Variants in SMARCC2 observed in about 807,000 individuals in gnomAD.
SMARCC2 encodes SWI/SNF related BAF chromatin remodeling complex subunit C2.
In SMARCC2, 15 loss-of-function variants were observed where a neutral mutation model predicts 151.3. The ratio of observed to expected loss-of-function variants is 0.10; its 90% CI spans 0.07 to 0.15. The LOEUF (loss-of-function observed/expected upper bound fraction) is 0.15. Among genes scored for constraint, SMARCC2 ranks in the 10% least tolerant of loss-of-function variants. SMARCC2 has a pLI of 1.00. For synonymous variants in SMARCC2, 590 were observed against 609.5 expected, an observed-to-expected ratio of 0.97 and a Z score of 0.47; for missense variants, 1,031 against 1,599.7, an observed-to-expected ratio of 0.64 and a Z score of 6.06.
chr12:56,184,601 G>C, intron 5 of SMARCC2: 4 of 553,898 alleles, frequency 7.2e-6, no homozygotes, highest in Non-Finnish European at 9.7e-6. Flanking sequence ...CAGTAGAAGT[G>C]GATACTATTT....
chr12:56,178,525 C>A lies in SMARCC2; in HGVS notation c.1189G>T (p.Glu397Ter). The change falls in exon 14 of 29, where the codon GAG (glutamate) becomes TAG (stop). Residue 397 changes from glutamate to a stop codon, truncating the protein, a stop_gained. Coordinates refer to ENST00000550164, the MANE Select transcript of SMARCC2 (RefSeq NM_001330288.2). LOFTEE classifies it high-confidence loss of function. Reference protein sequence around the residue: ...SMETTGKDEDENSTGNKGEQT... With the variant: ...SMETTGKDED ...TCTCCCTTGTTCCCCGTACTGTTCTCATCCTCATCCTACGAGTATGGAGGC... is the reference window on the plus strand; with the variant it reads ...TCTCCCTTGTTCCCCGTACTGTTCTAATCCTCATCCTACGAGTATGGAGGC... 1 of 1,614,234 alleles carries A rather than the reference C, an allele frequency of 6.2e-7. No homozygotes were observed. Among genetic ancestry groups the A allele is most frequent in the Non-Finnish European group, 8.5e-7 (1 of 1,180,036 alleles).
At chr12:56,170,984 GCCTCCC>G (rs1319458422) in intron 22 of SMARCC2, among the ~76,000 whole-genome samples, 1 of 151,742 alleles carries the variant, frequency 6.6e-6, no homozygotes, top group African/African-American at 2.4e-5. Flanking sequence ...ACCCACCTCG[GCCTCCC>G]AAAGTGCTGA....
At chr12:56,170,279 T>C (rs1873680340) in intron 22 of SMARCC2, 71 bp from the exon 23 acceptor site, 1 of 1,314,138 alleles carries the variant, frequency 7.6e-7, no homozygotes, top group Non-Finnish European at 1.1e-6. Context: ...ACACTTTTCT[T>C]TTTTTTTAGA....
chr12:56,162,429 A>AAACTTTGAACAGAAG lies in SMARCC2; in HGVS notation c.*1245_*1259dup. 1.6e-6 allele frequency: 1 copy of AAACTTTGAACAGAAG among 634,550 alleles called. No homozygotes were observed. Among genetic ancestry groups the AAACTTTGAACAGAAG allele is most frequent in the Non-Finnish European group, 2.8e-6 (1 of 360,344 alleles). The allele number at this position is 634,550 out of a possible 1,614,324, so 39.3% of individuals were successfully genotyped here. On this transcript the variant is annotated 3_prime_UTR_variant, in exon 29 of 29. Transcript: ENST00000550164. Reference sequence around the variant, plus strand: ...AAGAAAAAAAGAGAAAATTTACAGAAAACTTTGAACAGAAGAAAGGTGCTA... The same window carrying AAACTTTGAACAGAAG: ...AAGAAAAAAAGAGAAAATTTACAGAAAACTTTGAACAGAAGAACTTTGAACAGAAGAAAGGTGCTA...
intron 5 of SMARCC2, 82 bp downstream of exon 5, chr12:56,184,762 A>G (rs1489878626): frequency 1.2e-6 from 1 of 836,752 alleles, no homozygotes; most frequent in African/African-American, 1.7e-5. Context: ...AAACATGGTA[A>G]TTCAGGGCTG....
intron 11 of SMARCC2, among the ~76,000 whole-genome samples, chr12:56,179,830 G>A (rs796475): frequency 0.061 from 9,275 of 152,110 alleles, 378 homozygotes; most frequent in Non-Finnish European, 0.087. Context: ...AGGATTACAG[G>A]CGCCCACCAC....
In SMARCC2 at chr12:56,164,682, C is replaced by T; in HGVS notation, c.3282G>A (p.Gly1094=). 6.2e-7 allele frequency: 1 copy of T among 1,612,016 alleles called. No individual in the cohort carries two copies. The highest frequency in any genetic ancestry group is 8.5e-7 in the Non-Finnish European group (1 of 1,179,178). Residue 1094 remains glycine, a synonymous_variant, in exon 28 of 29, where the codon GGG becomes GGA. Coordinates refer to ENST00000550164, the MANE Select transcript of SMARCC2 (RefSeq NM_001330288.2). ...CTGGGTGCCCGCTGCCTGGCACTGC[C>T]CCTGGCATCATTGAGGGAGGAGTTT... is the stretch of plus-strand genomic sequence containing the variant. ...NQQTPPSMMP[G]AVPGSGHPGV... is the part of the protein sequence containing the mutation.
chr12:56,170,755 C>T lies in SMARCC2; in HGVS notation c.2347+516G>A, dbSNP rs553530626. On this transcript the variant is annotated intron_variant, in intron 22 of 28. Transcript: ENST00000550164. ...TTTTTTTTTTTTTTTTTTTGAGAGACGAAGTCTTGCTCTGTTGCCCAGGCT... is the reference window on the plus strand; with the variant it reads ...TTTTTTTTTTTTTTTTTTTGAGAGATGAAGTCTTGCTCTGTTGCCCAGGCT... Among the ~76,000 whole-genome samples the T allele has an allele frequency of 1.9e-4, 18 of 96,700 alleles. No homozygotes were observed. In the East Asian group the frequency reaches 3.5e-3, roughly 19 times the overall value. The allele number at this position is 96,700 out of a possible 152,430, so 63.4% of individuals were successfully genotyped here. A position where few individuals can be genotyped will look rare whatever the true frequency, so the allele number is the denominator to read the frequency against.
At chr12:56,168,248 A>G in intron 25 of SMARCC2, 54 bp from the exon 26 acceptor site, 1 of 1,603,442 alleles carries the variant, frequency 6.2e-7, no homozygotes, top group Admixed American at 1.7e-5. Flanking sequence ...ACTGAAGACA[A>G]TACAGAAGAA....
At position 56,171,769 on chromosome 12, in the gene SMARCC2, G is replaced by C; in HGVS notation, c.2095C>G (p.Gln699Glu). The C allele has an allele frequency of 6.2e-7, 1 of 1,613,174 alleles. No individual in the cohort carries two copies. The highest frequency in any genetic ancestry group is 8.5e-7 in the Non-Finnish European group (1 of 1,179,536). The stretch of plus-strand genomic sequence containing the variant: ...GTGCTCATAACAGGGTTGCCCGACT[G>C]ACTGAAGGGGATGGGTTGGTAGGCC... ...PLAYQPIPFS[Q>E]SGNPVMSTVA... Residue 699 changes from glutamine to glutamate, a missense_variant, in exon 21 of 29, where the codon CAG (glutamine) becomes GAG (glutamate). Around this residue, in one of 12 missense-constraint regions of SMARCC2, gnomAD observed 51 missense variants for 137.9 expected, o/e 0.37. Coordinates refer to ENST00000550164, the MANE Select transcript of SMARCC2 (RefSeq NM_001330288.2). The surrounding 1 kb of genome is among the most constrained non-coding windows in gnomAD (Gnocchi z 4.2).
At chr12:56,181,461 G>T (rs1221019701) in intron 10 of SMARCC2, 21 bp downstream of exon 10, 2 of 1,347,512 alleles carry the variant, frequency 1.5e-6, no homozygotes, top group African/African-American at 1.5e-5. Context: ...GAACACGGGG[G>T]CAGGCTAGGG....
At chr12:56,174,362 T>C (rs913532271) in intron 16 of SMARCC2, among the ~76,000 whole-genome samples, 1 of 152,194 alleles carries the variant, frequency 6.6e-6, no homozygotes, top group Admixed American at 6.5e-5. Flanking sequence ...TCCTCCCACC[T>C]TGGTCTCCCA....
chr12:56,177,305 T>C (rs1475542377), intron 15 of SMARCC2, among the ~76,000 whole-genome samples: 1 of 152,172 alleles, frequency 6.6e-6, no homozygotes, highest in Non-Finnish European at 1.5e-5. Flanking sequence ...AGAGCAGTGG[T>C]GTGATCATGG....
intron 20 of SMARCC2, 77 bp downstream of exon 20, chr12:56,172,351 G>A: frequency 7.5e-7 from 1 of 1,340,274 alleles, no homozygotes; most frequent in Non-Finnish European, 1.0e-6. Flanking sequence ...CAAAGTGCTG[G>A]GATTACAGGC....
chr12:56,185,682 T>G (rs888353658), intron 3 of SMARCC2: 4 of 166,468 alleles, frequency 2.4e-5, no homozygotes, highest in East Asian at 1.7e-4. Flanking sequence ...TTTGCCAAGT[T>G]GGCCAGGCTG....
chr12:56,189,306 T>C (rs1490654934), intron 1 of SMARCC2, 45 bp downstream of exon 1: 3 of 1,287,986 alleles, frequency 2.3e-6, no homozygotes, highest in Non-Finnish European at 2.1e-6. Flanking sequence ...CGCGGTCCCT[T>C]TGTCCCGCCC....
intron 2 of SMARCC2, chr12:56,186,511 C>T (rs1018427278): frequency 6.2e-5 from 25 of 402,458 alleles, no homozygotes; most frequent in South Asian, 5.0e-5. Flanking sequence ...CCACCACACC[C>T]GGCTAATTTT....
chr12:56,171,352 C>A lies in SMARCC2; in HGVS notation c.2266G>T (p.Val756Leu). ...HVRKVEEAAK[V>L]TGKADPAFGL... is the part of the protein sequence containing the mutation. The stretch of plus-strand genomic sequence containing the variant: ...AAGGCAGGGTCCGCCTTGCCTGTTA[C>A]TTTGGCTGCTTCTTCCACTTTTCGA... Residue 756 changes from valine (V) to leucine (L), a missense_variant, in exon 22 of 29, where the codon GTA (valine) becomes TTA (leucine). By Grantham distance (32) the Val-to-Leu change is conservative. Around this residue, in one of 12 missense-constraint regions of SMARCC2, gnomAD observed 119 missense variants for 184.2 expected, o/e 0.65. Coordinates refer to ENST00000550164, the MANE Select transcript of SMARCC2 (RefSeq NM_001330288.2). This position sits in a 1 kb window ranked among gnomAD's most constrained non-coding sequence, Gnocchi z 4.2. 1 of 1,614,226 alleles carries A rather than the reference C, an allele frequency of 6.2e-7. No individual in the cohort carries two copies. Among genetic ancestry groups the A allele is most frequent in the Non-Finnish European group, 8.5e-7 (1 of 1,180,042 alleles).
chr12:56,164,162 C>G (rs1872320015), intron 28 of SMARCC2, 141 bp downstream of exon 28: 2 of 787,580 alleles, frequency 2.5e-6, no homozygotes, highest in South Asian at 3.8e-5. Context: ...GAGGCCCTTC[C>G]TCCTGTATTC....
Sources: gnomAD v4.1 joint callset for allele counts (sites outside exome capture counted in the v4.1 genomes callset) on GRCh38, gnomAD v4.1.1 for gene constraint, gnomAD v4.1.1 regional missense constraint, Gnocchi (gnomAD v3.1) non-coding constraint, MANE v1.5 for transcripts, NCBI Gene and HGNC (gene_info 2026-07-23, HGNC 2026-07-21) for gene names.